GPR158: variants seen among roughly 807,000 people sequenced by gnomAD.
GPR158 encodes the protein G protein-coupled receptor 158, also known as metabotropic glycine receptor.
In GPR158, 30 loss-of-function variants were observed where a neutral mutation model predicts 78.2. The ratio of observed to expected loss-of-function variants is 0.38; its 90% CI spans 0.29 to 0.52. The LOEUF is 0.52. GPR158 is among the 20% of genes least tolerant of loss of function. The probability of loss-of-function intolerance (pLI) is 0.83; values close to 1 mark genes in which losing one functional copy is unlikely to be tolerated. For missense variants in GPR158, 1,463 were observed against 1,523.5 expected, an observed-to-expected ratio of 0.96 and a Z score of 0.66; for synonymous variants, 581 against 591.1, an observed-to-expected ratio of 0.98 and a Z score of 0.25.
chr10:25,285,718 A>G (rs1246878470), intron 2 of GPR158, among the ~76,000 whole-genome samples: 1 of 152,142 alleles, frequency 6.6e-6, no homozygotes, highest in South Asian at 2.1e-4. Flanking sequence ...TCTTCTTTGA[A>G]TAAAACCTTC....
At chr10:25,418,277 G>A (rs954222807) in intron 4 of GPR158, among the ~76,000 whole-genome samples, 1 of 152,136 alleles carries the variant, frequency 6.6e-6, no homozygotes, top group Non-Finnish European at 1.5e-5. Flanking sequence ...CAACTCAATA[G>A]TAATTAACTA....
chr10:25,235,834 C>T (rs1386886045), intron 2 of GPR158, among the ~76,000 whole-genome samples: 1 of 151,486 alleles, frequency 6.6e-6, no homozygotes, highest in Non-Finnish European at 1.5e-5. Flanking sequence ...GTAGCTGGGA[C>T]TACAGGTGCC....
intron 3 of GPR158, among the ~76,000 whole-genome samples, chr10:25,408,058 TG>T (rs1163826686): frequency 6.6e-6 from 1 of 152,166 alleles, no homozygotes; most frequent in Admixed American, 6.5e-5. Flanking sequence ...AAACCTTAGC[TG>T]ATGTGGGTGA....
chr10:25,587,966 A>G (rs184672211), intron 7 of GPR158, among the ~76,000 whole-genome samples: 17 of 151,298 alleles, frequency 1.1e-4, no homozygotes, highest in African/African-American at 3.2e-4. Flanking sequence ...TTTTCTCCAA[A>G]TTAGAACTTT....
intron 2 of GPR158, among the ~76,000 whole-genome samples, chr10:25,368,861 A>G (rs2130545435): frequency 6.9e-6 from 1 of 145,444 alleles, no homozygotes; most frequent in Middle Eastern, 3.4e-3. Context: ...AGTGGTTTGT[A>G]GTTCTCCTTG....
intron 2 of GPR158, among the ~76,000 whole-genome samples, chr10:25,389,362 C>A (rs1760725): frequency 2.0e-5 from 3 of 151,598 alleles, no homozygotes; most frequent in African/African-American, 7.3e-5. Context: ...ATGGGACATC[C>A]ATTTGCAGAA....
At chr10:25,180,776 A>G (rs1408678938) in intron 1 of GPR158, among the ~76,000 whole-genome samples, 1 of 152,208 alleles carries the variant, frequency 6.6e-6, no homozygotes, top group Non-Finnish European at 1.5e-5. Context: ...GTTGATATAC[A>G]TAAATCCAGT....
chr10:25,292,178 CAGT>C (rs1206534354), intron 2 of GPR158, among the ~76,000 whole-genome samples: 1 of 151,600 alleles, frequency 6.6e-6, no homozygotes, highest in South Asian at 2.1e-4. Flanking sequence ...AAATAATAGA[CAGT>C]GGTGGGGGTG....
chr10:25,563,858 AAG>A (rs1170922952), intron 6 of GPR158, among the ~76,000 whole-genome samples: 4 of 152,154 alleles, frequency 2.6e-5, no homozygotes, highest in African/African-American at 7.2e-5. Flanking sequence ...TTTATCTAAT[AAG>A]GTTAATGTCT....
At chr10:25,189,833 C>CGTGT (rs1564386832) in intron 1 of GPR158, among the ~76,000 whole-genome samples, 15 of 105,708 alleles carry the variant, frequency 1.4e-4, no homozygotes, top group African/African-American at 6.2e-4. Flanking sequence ...GAAAGGAAAG[C>CGTGT]ATGTGTGTGT....
intron 8 of GPR158, among the ~76,000 whole-genome samples, chr10:25,590,694 A>G (rs1159554989): frequency 2.0e-5 from 3 of 152,214 alleles, no homozygotes; most frequent in Non-Finnish European, 2.9e-5. Flanking sequence ...CAAATCAACT[A>G]AAGAGTTGTA....
At chr10:25,528,149 AG>A (rs59123216) in intron 5 of GPR158, among the ~76,000 whole-genome samples, 3,814 of 152,184 alleles carry the variant, frequency 0.025, 180 homozygotes, top group African/African-American at 0.086. Context: ...ATAGAGGAAA[AG>A]GAAATACGCC....
At chr10:25,488,910 A>G (rs768655986) in intron 5 of GPR158, among the ~76,000 whole-genome samples, 2 of 152,118 alleles carry the variant, frequency 1.3e-5, no homozygotes, top group African/African-American at 4.8e-5. Flanking sequence ...AGGCACACTA[A>G]GTATAGTGTG....
chr10:25,261,842 T>C (rs747350958), intron 2 of GPR158, among the ~76,000 whole-genome samples: 88 of 152,058 alleles, frequency 5.8e-4, no homozygotes, highest in Admixed American at 9.2e-4. Context: ...GTGTAGCAAA[T>C]AATTTTGGTA....
At chr10:25,451,261 G>A (rs1162401468) in intron 4 of GPR158, among the ~76,000 whole-genome samples, 1 of 152,070 alleles carries the variant, frequency 6.6e-6, no homozygotes. Context: ...CTACCCAAAG[G>A]ATTCATCAGT....
chr10:25,232,854 T>C (rs1588748001), intron 2 of GPR158, among the ~76,000 whole-genome samples: 1 of 152,218 alleles, frequency 6.6e-6, no homozygotes, highest in African/African-American at 2.4e-5. Flanking sequence ...GTCTCTAAAA[T>C]GCACAAGATT....
rs939648196 is a variant in GPR158, at chr10:25,600,515, A to C, written c.*1241A>C. 1 of 152,286 alleles carries C rather than the reference A, an allele frequency of 6.6e-6. No individual in the cohort carries two copies. Among genetic ancestry groups the C allele is most frequent in the Non-Finnish European group, 1.5e-5 (1 of 68,030 alleles). The allele number at this position is 152,286 out of a possible 1,614,324, so 9.4% of individuals were successfully genotyped here. On this transcript the variant is annotated 3_prime_UTR_variant, in exon 11 of 11. Transcript: ENST00000376351. ...GAAAAATTATGGTAGCATCAAGATC[A>C]TTGTATGGATATATTTTTATTATGT...
intron 2 of GPR158, among the ~76,000 whole-genome samples, chr10:25,316,835 A>G (rs2130471507): frequency 6.6e-6 from 1 of 151,778 alleles, no homozygotes; most frequent in East Asian, 1.9e-4. Context: ...GATTAAGGTC[A>G]TTTAATTCTA....
At chr10:25,521,496 T>C (rs566844945) in intron 5 of GPR158, among the ~76,000 whole-genome samples, 1 of 152,346 alleles carries the variant, frequency 6.6e-6, no homozygotes, top group South Asian at 2.1e-4. Flanking sequence ...CTTGATTAGC[T>C]TAATAGTTGA....
Sources: gnomAD v4.1 joint callset for allele counts (sites outside exome capture counted in the v4.1 genomes callset) on GRCh38, gnomAD v4.1.1 for gene constraint, MANE v1.5 for transcripts, NCBI Gene and HGNC (gene_info 2026-07-23, HGNC 2026-07-21) for gene names.